The following FGF14 variants were observed in gnomAD, a reference collection of about 807,000 sequenced individuals.
FGF14 encodes fibroblast growth factor homologous factor 4.
FGF14 carries 5 observed loss-of-function variants against 25.5 expected under a neutral mutation model. That is an observed-to-expected ratio of 0.20 (90% CI 0.10 to 0.41). The LOEUF (loss-of-function observed/expected upper bound fraction) is 0.41, where lower values mean the gene tolerates loss of function less well. FGF14 is among the 10% of genes least tolerant of loss of function. The pLI is 1.00. For missense variants in FGF14, 222 were observed against 320.1 expected (o/e 0.69, Z 2.34); for synonymous variants, 138 against 118.3 (o/e 1.17, Z -1.08).
intron 3 of FGF14, among the ~76,000 whole-genome samples, chr13:101,854,175 CAT>C (rs1448802517): frequency 6.6e-6 from 1 of 152,036 alleles, no homozygotes; most frequent in Non-Finnish European, 1.5e-5. Flanking sequence ...TTAGAAGAAT[CAT>C]GTGTTTGGAT....
At position 101,717,041 on chromosome 13, in the gene FGF14, T is replaced by C. The variant is rs2034751304; in HGVS notation, c.*5790A>G. On this transcript the variant is annotated 3_prime_UTR_variant, in exon 5 of 5. Transcript: ENST00000376143. ...AAACCACTTTTTTTCTAAAGGTGAATTACTTTGTAAAATCCTAGAATAATG... is the reference window on the plus strand; with the variant it reads ...AAACCACTTTTTTTCTAAAGGTGAACTACTTTGTAAAATCCTAGAATAATG... The C allele has an allele frequency of 6.6e-6, 1 of 152,062 alleles. No individual in the cohort carries two copies. Among genetic ancestry groups the C allele is most frequent in the Non-Finnish European group, 1.5e-5 (1 of 67,990 alleles). 9.4% of individuals were successfully genotyped at this position (152,062 alleles called of 1,614,324 possible).
chr13:102,006,965 C>T lies in FGF14; in HGVS notation c.209-131669G>A, dbSNP rs556835972. Among the ~76,000 whole-genome samples the T allele has an allele frequency of 3.0e-3, 456 of 151,204 alleles. 6 individuals carry two copies. Among genetic ancestry groups the T allele is most frequent in the Admixed American group, 0.025 (380 of 15,196 alleles). ...TTCACCTTGTTAGCCAGGATGGTCTCGATCTCCTGACCTCATGATCCACCC... is the reference window on the plus strand; with the variant it reads ...TTCACCTTGTTAGCCAGGATGGTCTTGATCTCCTGACCTCATGATCCACCC... On this transcript the variant is annotated intron_variant, in intron 1 of 4. Transcript: ENST00000376131.
chr13:101,813,780 G>A (rs1456556448), intron 3 of FGF14, among the ~76,000 whole-genome samples: 2 of 152,160 alleles, frequency 1.3e-5, no homozygotes, highest in Non-Finnish European at 2.9e-5. Flanking sequence ...TACCTCTAAT[G>A]GAAGTTAATG....
At chr13:101,792,425 C>CTA (rs2040291927) in intron 3 of FGF14, among the ~76,000 whole-genome samples, 1 of 152,058 alleles carries the variant, frequency 6.6e-6, no homozygotes, top group Non-Finnish European at 1.5e-5. Context: ...TCATCACTGC[C>CTA]TATCTTGAGG....
intron 1 of FGF14, among the ~76,000 whole-genome samples, chr13:102,150,586 G>C (rs994784762): frequency 1.3e-5 from 2 of 152,126 alleles, no homozygotes; most frequent in Non-Finnish European, 2.9e-5. Flanking sequence ...AAGCCAAGGA[G>C]TAAAAAGATA....
chr13:102,356,846 T>C (rs933507476), intron 1 of FGF14, among the ~76,000 whole-genome samples: 1 of 151,484 alleles, frequency 6.6e-6, no homozygotes, highest in Non-Finnish European at 1.5e-5. Flanking sequence ...CATGGACTTC[T>C]GAGACTGGAA....
intron 1 of FGF14, among the ~76,000 whole-genome samples, chr13:101,943,485 T>G (rs1043535766): frequency 1.7e-4 from 26 of 152,184 alleles, no homozygotes; most frequent in Non-Finnish European, 1.2e-4. Context: ...GAGATGCTGC[T>G]AAACATTCTA....
intron 1 of FGF14, among the ~76,000 whole-genome samples, chr13:102,301,902 A>G (rs1239331488): frequency 1.3e-5 from 2 of 150,918 alleles, no homozygotes; most frequent in Non-Finnish European, 2.9e-5. Flanking sequence ...TTCTGCCTTC[A>G]CTGAGAAAGA....
chr13:102,297,678 G>A (rs1594769865), intron 1 of FGF14, among the ~76,000 whole-genome samples: 2 of 151,592 alleles, frequency 1.3e-5, no homozygotes, highest in South Asian at 4.2e-4. Flanking sequence ...TTTAGCCCAG[G>A]AGTTTGAGAC....
intron 1 of FGF14, among the ~76,000 whole-genome samples, chr13:102,344,559 T>A (rs1340768586): frequency 2.0e-5 from 3 of 152,240 alleles, no homozygotes; most frequent in African/African-American, 7.2e-5. Flanking sequence ...TGCTCTCATA[T>A]CCTGTTTGAT....
At chr13:101,723,729 T>A (rs1033203287) in intron 4 of FGF14, among the ~76,000 whole-genome samples, 1 of 152,176 alleles carries the variant, frequency 6.6e-6, no homozygotes, top group Admixed American at 6.6e-5. Flanking sequence ...ATCTAAATAG[T>A]GTCTGGTGGC....
chr13:102,252,505 T>C (rs894343357), intron 1 of FGF14, among the ~76,000 whole-genome samples: 3 of 152,168 alleles, frequency 2.0e-5, no homozygotes, highest in African/African-American at 4.8e-5. Flanking sequence ...GTCCCTATTA[T>C]AAAATGGCAT....
At chr13:102,307,843 C>A (rs1206448435) in intron 1 of FGF14, among the ~76,000 whole-genome samples, 1 of 152,100 alleles carries the variant, frequency 6.6e-6, no homozygotes, top group African/African-American at 2.4e-5. Context: ...CTAACAGGAG[C>A]AAGCATTTAT....
At chr13:102,370,690 A>G (rs866192278) in intron 1 of FGF14, among the ~76,000 whole-genome samples, 1 of 152,234 alleles carries the variant, frequency 6.6e-6, no homozygotes, top group African/African-American at 2.4e-5. Context: ...GGGTTTGCCA[A>G]TGTGCATCCT....
At position 102,028,346 on chromosome 13, in the gene FGF14, C is replaced by T. The variant is rs562238226; in HGVS notation, c.209-153050G>A. ...GGACTGGGCCTTTACAAAAAAGACC[C>T]AGGGGAGCTGATTTGCCTCCTTCCA... On this transcript the variant is annotated intron_variant, in intron 1 of 4. Transcript: ENST00000376131. Among the ~76,000 whole-genome samples the T allele has an allele frequency of 8.9e-4, 135 of 152,124 alleles. No individual in the cohort carries two copies. In the Middle Eastern group the frequency reaches 0.017, roughly 19 times the overall value.
chr13:102,008,759 T>C (rs1247372569), intron 1 of FGF14, among the ~76,000 whole-genome samples: 2 of 152,216 alleles, frequency 1.3e-5, no homozygotes, highest in Admixed American at 6.5e-5. Flanking sequence ...CGGGAACTAA[T>C]CTATTTAATA....
At chr13:101,873,961 G>C (rs2045255371) in intron 2 of FGF14, among the ~76,000 whole-genome samples, 1 of 151,888 alleles carries the variant, frequency 6.6e-6, no homozygotes, top group African/African-American at 2.4e-5. Flanking sequence ...ATTAGAAATT[G>C]ACACGGAGGA....
chr13:102,053,164 A>C (rs1370865652), intron 1 of FGF14, among the ~76,000 whole-genome samples: 1 of 152,108 alleles, frequency 6.6e-6, no homozygotes, highest in African/African-American at 2.4e-5. Context: ...TAAAACAATA[A>C]GACAATAACA....
At chr13:102,260,840 C>T (rs1372783070) in intron 1 of FGF14, among the ~76,000 whole-genome samples, 1 of 152,188 alleles carries the variant, frequency 6.6e-6, no homozygotes, top group African/African-American at 2.4e-5. Context: ...CTTCCTTGCC[C>T]TATCCCCTTC....
Sources: allele counts gnomAD v4.1 joint callset (sites outside exome capture counted in the v4.1 genomes callset), GRCh38; gene constraint gnomAD v4.1.1; transcripts MANE v1.5; gene names NCBI Gene and HGNC (gene_info 2026-07-23, HGNC 2026-07-21).